Variants in FGFR2 observed in about 807,000 individuals in gnomAD.
The protein encoded by FGFR2 is BEK fibroblast growth factor receptor.
In FGFR2, 19 loss-of-function variants were observed where a neutral mutation model predicts 95.9. The observed-to-expected ratio is 0.20, with a 90% CI of 0.14 to 0.29. The LOEUF (loss-of-function observed/expected upper bound fraction) is 0.29, where lower values mean the gene tolerates loss of function less well. Among genes scored for constraint, FGFR2 ranks in the 10% least tolerant of loss-of-function variants. The probability of loss-of-function intolerance (pLI) is 1.00; values close to 1 mark genes in which losing one functional copy is unlikely to be tolerated. For synonymous variants in FGFR2, 392 were observed against 393.3 expected, an observed-to-expected ratio of 1.00 and a Z score of 0.04; for missense variants, 707 against 1,056.9, an observed-to-expected ratio of 0.67 and a Z score of 4.59.
At chr10:121,538,821 G>C (rs1371720164) in intron 5 of FGFR2, 106 bp from the exon 6 acceptor site, 2 of 1,428,922 alleles carry the variant, frequency 1.4e-6, no homozygotes, top group African/African-American at 2.8e-5. Flanking sequence ...AGAAAGGTAT[G>C]GAAGAATCAC....
In FGFR2 at chr10:121,506,461, G is replaced by A. The variant is rs112810180; in HGVS notation, c.1288-2520C>T. On this transcript the variant is annotated intron_variant, in intron 9 of 17. Transcript: ENST00000358487. ...GAACACTCTCTGCATGGCCTGCAGC[G>A]TAGCCCCTCATCACTGGATACCAGT... 7.7e-3 allele frequency among the ~76,000 whole-genome samples: 1,168 copies of A among 152,132 alleles called. 16 individuals carry two copies. Among genetic ancestry groups the A allele is most frequent in the African/African-American group, 0.027 (1,106 of 41,498 alleles).
intron 5 of FGFR2, among the ~76,000 whole-genome samples, chr10:121,545,198 A>G (rs1440166379): frequency 1.3e-5 from 2 of 152,228 alleles, no homozygotes; most frequent in African/African-American, 4.8e-5. Flanking sequence ...GAACAGCATC[A>G]TATCCCCAAC....
chr10:121,571,643 CA>C (rs1313269440), intron 2 of FGFR2, among the ~76,000 whole-genome samples: 2 of 136,048 alleles, frequency 1.5e-5, no homozygotes, highest in African/African-American at 5.3e-5. Flanking sequence ...AACAAACAAA[CA>C]AACAAACAAA....
chr10:121,541,378 G>C (rs1853714871), intron 5 of FGFR2, among the ~76,000 whole-genome samples: 1 of 152,196 alleles, frequency 6.6e-6, no homozygotes, highest in South Asian at 2.1e-4. Flanking sequence ...CCATTGATTA[G>C]TGGTTGCTTA....
intron 13 of FGFR2, among the ~76,000 whole-genome samples, chr10:121,491,784 C>T (rs918019725): frequency 3.3e-5 from 5 of 151,736 alleles, no homozygotes; most frequent in African/African-American, 1.2e-4. Flanking sequence ...GCAGGAGAAT[C>T]GCTAGAACCT....
chr10:121,522,085 C>A (rs982485078), intron 6 of FGFR2, among the ~76,000 whole-genome samples: 1 of 152,150 alleles, frequency 6.6e-6, no homozygotes, highest in Non-Finnish European at 1.5e-5. Context: ...CTAAATTCAT[C>A]GCATTCATAA....
chr10:121,484,716 G>C lies in FGFR2; in HGVS notation c.2195+679C>G, dbSNP rs1476945672. Among the ~76,000 whole-genome samples the C allele has an allele frequency of 2.6e-5, 4 of 152,304 alleles. No homozygotes were observed. The East Asian group carries it at 7.7e-4, about 29-fold the overall frequency. On this transcript the variant is annotated intron_variant, in intron 16 of 17. Coordinates refer to ENST00000358487, the MANE Select transcript of FGFR2 (RefSeq NM_000141.5). The stretch of plus-strand genomic sequence containing the variant: ...CAACATAACTCCACTTAAAGTGTGA[G>C]GCAGGTTTTGCTACAAACCAGTTCA...
chr10:121,590,762 G>A (rs1360023479), intron 2 of FGFR2, among the ~76,000 whole-genome samples: 1 of 152,130 alleles, frequency 6.6e-6, no homozygotes, highest in Non-Finnish European at 1.5e-5. Flanking sequence ...TAGTGTTAGG[G>A]CCCAGGCTTC....
chr10:121,502,622 T>G (rs1391857384), intron 10 of FGFR2, among the ~76,000 whole-genome samples: 7 of 152,226 alleles, frequency 4.6e-5, no homozygotes, highest in African/African-American at 1.4e-4. Flanking sequence ...AGCTTATCTT[T>G]GCATTTCCAA....
At chr10:121,562,938 T>C (rs1431917751) in intron 4 of FGFR2, among the ~76,000 whole-genome samples, 1 of 152,172 alleles carries the variant, frequency 6.6e-6, no homozygotes, top group Non-Finnish European at 1.5e-5. Context: ...GACCTGAAAC[T>C]GCTCGAAAAA....
chr10:121,549,355 C>T (rs776531058), intron 5 of FGFR2, among the ~76,000 whole-genome samples: 25 of 152,160 alleles, frequency 1.6e-4, no homozygotes, highest in Non-Finnish European at 3.2e-4. Context: ...GTTAAAGACA[C>T]GTGAGACACA....
At chr10:121,584,395 T>G (rs1696840) in intron 2 of FGFR2, among the ~76,000 whole-genome samples, 9,848 of 30,160 alleles carry the variant, frequency 0.33, 1,722 homozygotes, top group Middle Eastern at 0.38. Context: ...CACCCCAACC[T>G]ATCCCATAAC....
intron 6 of FGFR2, among the ~76,000 whole-genome samples, chr10:121,520,494 G>C (rs116199848): frequency 9.9e-4 from 151 of 152,272 alleles, no homozygotes; most frequent in African/African-American, 3.6e-3. Context: ...CAAATGGTAG[G>C]GGAGGGAAGC....
At chr10:121,574,895 C>T (rs11200013) in intron 2 of FGFR2, among the ~76,000 whole-genome samples, 30 of 152,314 alleles carry the variant, frequency 2.0e-4, no homozygotes, top group African/African-American at 4.8e-4. Context: ...CAGATAAGTA[C>T]GCAGGATGAA....
At chr10:121,580,282 C>T (rs1401914795) in intron 2 of FGFR2, among the ~76,000 whole-genome samples, 1 of 152,200 alleles carries the variant, frequency 6.6e-6, no homozygotes, top group Admixed American at 6.5e-5. Flanking sequence ...CCTTTCTTCT[C>T]TCAGCAGGAT....
rs1028853434 is a variant in FGFR2 at position 121,517,658 on chromosome 10, G to A, written c.940-195C>T. Among the ~76,000 whole-genome samples the A allele has an allele frequency of 2.0e-5, 3 of 151,756 alleles. No homozygotes were observed. Among genetic ancestry groups the A allele is most frequent in the Non-Finnish European group, 4.4e-5 (3 of 67,940 alleles). ...CTGACCAGCTCACCTCCACAGGCCC[G>A]TCACCACACCGGCTTCACCTCCTAC... On this transcript the variant is annotated intron_variant, in intron 7 of 17. Coordinates refer to ENST00000358487, the MANE Select transcript of FGFR2 (RefSeq NM_000141.5). This position sits in a 1 kb window ranked among gnomAD's most constrained non-coding sequence, Gnocchi z 4.7.
chr10:121,495,347 T>G (rs986701750), intron 13 of FGFR2, among the ~76,000 whole-genome samples: 1 of 152,104 alleles, frequency 6.6e-6, no homozygotes, highest in African/African-American at 2.4e-5. Flanking sequence ...AAACCCCGTC[T>G]CTACCAAAAC....
intron 17 of FGFR2, chr10:121,482,211 C>G (rs2133738914): frequency 6.2e-7 from 1 of 1,606,230 alleles, no homozygotes; most frequent in Non-Finnish European, 8.5e-7. Flanking sequence ...TCAGTAGATT[C>G]CAAGTCTACA....
Position 121,538,265 on chromosome 10 carries a change from A to C in FGFR2, c.748+327T>G, listed in dbSNP as rs1020916171. 26 of 717,402 alleles carry C rather than the reference A, an allele frequency of 3.6e-5. No individual in the cohort carries two copies. The African/African-American group carries it at 3.9e-4, about 11-fold the overall frequency. The allele number at this position is 717,402 out of a possible 1,614,324, so 44.4% of individuals were successfully genotyped here. ...TTTAAAACCAAAGGTCTGCTACAGC[A>C]CATCTGTACCCTTTTCACCTGCCCA... On this transcript the variant is annotated intron_variant, in intron 6 of 17. Coordinates refer to ENST00000358487, the MANE Select transcript of FGFR2 (RefSeq NM_000141.5).
Sources: gnomAD v4.1 joint callset for allele counts (sites outside exome capture counted in the v4.1 genomes callset) on GRCh38, gnomAD v4.1.1 for gene constraint, Gnocchi (gnomAD v3.1) non-coding constraint, MANE v1.5 for transcripts, NCBI Gene and HGNC (gene_info 2026-07-23, HGNC 2026-07-21) for gene names.